DLG2: variants seen among roughly 807,000 people sequenced by gnomAD.
The protein encoded by DLG2 is discs large MAGUK scaffold protein 2, also known as disks large homolog 2.
Under a neutral mutation model 132.5 loss-of-function variants are expected in DLG2, and 45 were observed. That is an observed-to-expected ratio of 0.34 (90% CI 0.27 to 0.44). The LOEUF is 0.44. Among genes scored for constraint, DLG2 ranks in the 20% least tolerant of loss-of-function variants. DLG2 has a pLI of 1.00. For synonymous variants in DLG2, 424 were observed against 419.6 expected (o/e 1.01, Z -0.13); for missense variants, 1,045 against 1,196.9 (o/e 0.87, Z 1.87).
At chr11:84,744,890 T>C (rs1241941632) in intron 6 of DLG2, among the ~76,000 whole-genome samples, 1 of 77,724 alleles carries the variant, frequency 1.3e-5, no homozygotes, top group East Asian at 3.2e-4. Context: ...AAATTAAAAG[T>C]AAAGGTCTAA....
At chr11:85,367,798 C>T (rs551754545) in intron 3 of DLG2, among the ~76,000 whole-genome samples, 8 of 152,176 alleles carry the variant, frequency 5.3e-5, no homozygotes, top group South Asian at 2.1e-4. Flanking sequence ...TTACCTATTT[C>T]GGTTGCATCT....
intron 18 of DLG2, among the ~76,000 whole-genome samples, chr11:83,668,867 A>T (rs55725026): frequency 0.031 from 3,366 of 110,352 alleles, 244 homozygotes; most frequent in Non-Finnish European, 0.04. Context: ...ATATATATAT[A>T]TTTTTTTTTT....
intron 6 of DLG2, among the ~76,000 whole-genome samples, chr11:84,873,725 A>T (rs1449301921): frequency 1.3e-5 from 2 of 152,208 alleles, no homozygotes; most frequent in African/African-American, 4.8e-5. Context: ...AATTTTCAAA[A>T]ACCGTGTTGA....
chr11:84,245,119 A>G (rs919685679), intron 8 of DLG2, among the ~76,000 whole-genome samples: 4 of 152,110 alleles, frequency 2.6e-5, no homozygotes, highest in South Asian at 2.1e-4. Context: ...TTAGACACAA[A>G]CCCATTCTCT....
intron 7 of DLG2, among the ~76,000 whole-genome samples, chr11:84,470,950 A>G (rs2099106868): frequency 6.6e-6 from 1 of 151,866 alleles, no homozygotes; most frequent in African/African-American, 2.4e-5. Context: ...TAAGACAGAC[A>G]GGGAAATCAG....
intron 6 of DLG2, among the ~76,000 whole-genome samples, chr11:84,704,860 T>TAC (rs753979160): frequency 3.2e-4 from 47 of 148,918 alleles, no homozygotes; most frequent in Admixed American, 1.4e-3. Context: ...TATATATATA[T>TAC]ACACACACAC....
intron 6 of DLG2, among the ~76,000 whole-genome samples, chr11:84,875,395 A>G (rs574904195): frequency 6.6e-6 from 1 of 152,170 alleles, no homozygotes; most frequent in African/African-American, 2.4e-5. Flanking sequence ...AAATAAGGGT[A>G]CTGAGGCCCT....
At chr11:84,013,908 AAAAACTTCCTTAATTAACC>A (rs1212019335) in intron 11 of DLG2, among the ~76,000 whole-genome samples, 1 of 151,732 alleles carries the variant, frequency 6.6e-6, no homozygotes, top group East Asian at 1.9e-4. Context: ...TACTTCAGTT[AAAAACTTCCTTAATTAACC>A]AAAACTCATA....
In DLG2 at chr11:84,507,550, A is replaced by G. The variant is rs149231991; in HGVS notation, c.519+27020T>C. ...AACTGGGCATCCTTGTCTTGTTCCAATTCACAAGGGGAATGCTTTCAGCTT... is the reference window on the plus strand; with the variant it reads ...AACTGGGCATCCTTGTCTTGTTCCAGTTCACAAGGGGAATGCTTTCAGCTT... On this transcript the variant is annotated intron_variant, in intron 7 of 27. Transcript: ENST00000376104. Among the ~76,000 whole-genome samples the G allele has an allele frequency of 1.6e-3, 238 of 152,294 alleles. 2 individuals are homozygous for G. Among genetic ancestry groups the G allele is most frequent in the African/African-American group, 5.4e-3 (223 of 41,566 alleles).
At chr11:84,771,080 C>T (rs1037847195) in intron 6 of DLG2, among the ~76,000 whole-genome samples, 5 of 152,072 alleles carry the variant, frequency 3.3e-5, no homozygotes, top group African/African-American at 4.8e-5. Context: ...CTGCAGTAAA[C>T]GTGTGGTATG....
At chr11:84,698,711 A>G (rs1595969408) in intron 6 of DLG2, among the ~76,000 whole-genome samples, 2 of 151,616 alleles carry the variant, frequency 1.3e-5, no homozygotes, top group Admixed American at 6.6e-5. Context: ...AATGACATAT[A>G]TAAGAATCCT....
chr11:84,445,009 G>T (rs1228087410), intron 7 of DLG2, among the ~76,000 whole-genome samples: 3 of 151,934 alleles, frequency 2.0e-5, no homozygotes, highest in Non-Finnish European at 1.5e-5. Context: ...CATTATGTTG[G>T]CCAGGCTGAT....
intron 6 of DLG2, among the ~76,000 whole-genome samples, chr11:84,962,655 T>C (rs938481077): frequency 6.6e-6 from 1 of 152,190 alleles, no homozygotes; most frequent in African/African-American, 2.4e-5. Context: ...GCACACAGGA[T>C]GTGCTCACTA....
In DLG2 at chr11:83,665,268, A is replaced by G. The variant is rs576469270; in HGVS notation, c.1826-31943T>C. Among the ~76,000 whole-genome samples, 354 of 152,274 alleles carry G rather than the reference A, an allele frequency of 2.3e-3. 3 individuals carry two copies. The highest frequency in any genetic ancestry group is 8.1e-3 in the African/African-American group (336 of 41,564). On this transcript the variant is annotated intron_variant, in intron 18 of 27. Coordinates refer to ENST00000376104, the MANE Select transcript of DLG2 (RefSeq NM_001142699.3). The stretch of plus-strand genomic sequence containing the variant: ...AGAGGCTGGTAGAGTTAGTTCTAGG[A>G]GAGAAGCAATGGGCTGTCTTTTATT...
At chr11:83,686,958 G>A (rs2079900850) in intron 18 of DLG2, among the ~76,000 whole-genome samples, 1 of 152,150 alleles carries the variant, frequency 6.6e-6, no homozygotes, top group East Asian at 1.9e-4. Context: ...GGAATACGGT[G>A]GGCCACTACT....
chr11:85,533,006 T>TC (rs1335694771), intron 3 of DLG2, among the ~76,000 whole-genome samples: 63 of 149,064 alleles, frequency 4.2e-4, no homozygotes, highest in African/African-American at 1.5e-3. Flanking sequence ...CCTAAGGTGT[T>TC]TTTGTTGTTG....
chr11:84,949,390 A>G (rs2050638509), intron 6 of DLG2, among the ~76,000 whole-genome samples: 1 of 152,126 alleles, frequency 6.6e-6, no homozygotes, highest in Admixed American at 6.5e-5. Flanking sequence ...TGAGACAGGG[A>G]TTTGAGATCA....
chr11:85,381,103 G>T (rs527906407), intron 3 of DLG2, among the ~76,000 whole-genome samples: 37 of 152,338 alleles, frequency 2.4e-4, no homozygotes, highest in African/African-American at 8.2e-4. Flanking sequence ...CAGTATAAGA[G>T]ATACCATCAG....
At chr11:84,896,319 C>A (rs940387505) in intron 6 of DLG2, among the ~76,000 whole-genome samples, 1 of 151,968 alleles carries the variant, frequency 6.6e-6, no homozygotes, top group East Asian at 1.9e-4. Context: ...ATTTAGTGAA[C>A]CACCTACATG....
Sources: allele counts gnomAD v4.1 joint callset (sites outside exome capture counted in the v4.1 genomes callset), GRCh38; gene constraint gnomAD v4.1.1; transcripts MANE v1.5; gene names NCBI Gene and HGNC (gene_info 2026-07-23, HGNC 2026-07-21).